Variants in TMEM248 observed in about 807,000 individuals in gnomAD.
The protein encoded by TMEM248 is transmembrane protein 248.
Under a neutral mutation model 30.3 loss-of-function variants are expected in TMEM248, and 9 were observed. That is an observed-to-expected ratio of 0.30 (90% CI 0.18 to 0.52). The LOEUF is 0.52. Among genes scored for constraint, TMEM248 ranks in the 20% least tolerant of loss-of-function variants. The pLI is 0.97. For missense variants in TMEM248, 338 were observed against 403.3 expected (o/e 0.84, Z 1.39); for synonymous variants, 184 against 154.4 (o/e 1.19, Z -1.42).
At chr7:66,937,707 ATT>A (rs998432048) in intron 1 of TMEM248, among the ~76,000 whole-genome samples, 6 of 151,542 alleles carry the variant, frequency 4.0e-5, no homozygotes, top group Admixed American at 3.9e-4. Flanking sequence ...ATCTTTTTCC[ATT>A]TCTTTATTTT....
At chr7:66,925,043 A>G (rs562793776) in intron 1 of TMEM248, among the ~76,000 whole-genome samples, 1 of 151,978 alleles carries the variant, frequency 6.6e-6, no homozygotes, top group South Asian at 2.1e-4. Context: ...TTATTACGGG[A>G]CAGAGTTTTG....
chr7:66,948,348 G>A (rs1792170607), intron 3 of TMEM248, among the ~76,000 whole-genome samples, 196 bp from the exon 4 acceptor site: 2 of 152,104 alleles, frequency 1.3e-5, no homozygotes, highest in African/African-American at 4.8e-5. Context: ...CACTTCCTTC[G>A]CTGCTTCGTG....
chr7:66,938,741 C>T (rs1034899019), intron 1 of TMEM248, among the ~76,000 whole-genome samples: 17 of 152,140 alleles, frequency 1.1e-4, no homozygotes, highest in African/African-American at 3.1e-4. Context: ...CTCCTGACCT[C>T]GTGATCCACC....
intron 6 of TMEM248, among the ~76,000 whole-genome samples, chr7:66,955,255 C>A (rs140723594): frequency 1.3e-5 from 2 of 152,282 alleles, no homozygotes; most frequent in African/African-American, 4.8e-5. Flanking sequence ...AGAGCGAGAC[C>A]GTGTCTCAAA....
intron 2 of TMEM248, among the ~76,000 whole-genome samples, chr7:66,943,842 G>T (rs948104675): frequency 5.9e-5 from 9 of 151,682 alleles, no homozygotes; most frequent in African/African-American, 2.2e-4. Flanking sequence ...CCCAGGCTGA[G>T]GCTGGACTTC....
intron 6 of TMEM248, among the ~76,000 whole-genome samples, chr7:66,953,939 CTTTTTTTTTTTT>C (rs34925648): frequency 3.6e-5 from 3 of 83,986 alleles, no homozygotes; most frequent in African/African-American, 4.9e-5. Flanking sequence ...AGATTACTTT[CTTTTTTTTTTTT>C]TTTTTTTTTT....
At chr7:66,925,092 C>T (rs1298687668) in intron 1 of TMEM248, among the ~76,000 whole-genome samples, 1 of 151,948 alleles carries the variant, frequency 6.6e-6, no homozygotes, top group African/African-American at 2.4e-5. Context: ...GTGATCATGG[C>T]TCACTGCACC....
At chr7:66,936,448 C>T (rs895406071) in intron 1 of TMEM248, among the ~76,000 whole-genome samples, 1 of 151,940 alleles carries the variant, frequency 6.6e-6, no homozygotes, top group South Asian at 2.1e-4. Flanking sequence ...GTTTTGAATT[C>T]GGTTTGCCAG....
intron 2 of TMEM248, among the ~76,000 whole-genome samples, chr7:66,944,160 A>C (rs922635954): frequency 1.5e-5 from 2 of 135,256 alleles, no homozygotes; most frequent in African/African-American, 5.7e-5. Flanking sequence ...GGTGGAGTGC[A>C]GTGGCACGAT....
chr7:66,929,649 C>G (rs1467861680), intron 1 of TMEM248, among the ~76,000 whole-genome samples: 2 of 151,802 alleles, frequency 1.3e-5, no homozygotes, highest in Middle Eastern at 3.2e-3. Context: ...GGCCAGGATG[C>G]TCTCAAACTC....
intron 3 of TMEM248, among the ~76,000 whole-genome samples, chr7:66,945,698 C>G (rs1792081645): frequency 6.6e-6 from 1 of 152,192 alleles, no homozygotes; most frequent in African/African-American, 2.4e-5. Context: ...TGCATGTAAT[C>G]CCAGCACTTT....
At position 66,948,650 on chromosome 7, in the gene TMEM248, C is replaced by A; in HGVS notation, c.552C>A (p.Ala184=). The change falls in exon 4 of 7, where the codon GCC becomes GCA. Residue 184 remains alanine, a synonymous_variant. Coordinates refer to ENST00000341567, the MANE Select transcript of TMEM248 (RefSeq NM_017994.5). ...ACTGTGAGCAGGTGGTATTCACAGC[C>A]TGCATGACCCTCACGGCCAGCCCTG... ...HGHCEQVVFT[A]CMTLTASPGV... 2 of 1,614,058 alleles carry A rather than the reference C, an allele frequency of 1.2e-6. No homozygotes were observed. Among genetic ancestry groups the A allele is most frequent in the Non-Finnish European group, 1.7e-6 (2 of 1,179,922 alleles).
At chr7:66,922,513 C>T (rs1173503798) in intron 1 of TMEM248, among the ~76,000 whole-genome samples, 3 of 152,050 alleles carry the variant, frequency 2.0e-5, no homozygotes, top group African/African-American at 4.8e-5. Context: ...AGTGCATTTA[C>T]TCTCTAGGAT....
rs747514765 is a variant in TMEM248 at position 66,948,527 on chromosome 7, T to A, written c.446-17T>A. 8 of 1,608,614 alleles carry A rather than the reference T, an allele frequency of 5.0e-6. No homozygotes were observed. In the African/African-American group the frequency reaches 6.7e-5, roughly 13 times the overall value. ...CGTGGTTCTTGACTTTATAAAAAAA[T>A]GATTTCTCTTTCATAGGCAGGGAAG... On this transcript the variant is annotated splice_polypyrimidine_tract_variant and intron_variant, in intron 3 of 6. Coordinates refer to ENST00000341567, the MANE Select transcript of TMEM248 (RefSeq NM_017994.5).
chr7:66,944,103 C>CTTT (rs397891070), intron 2 of TMEM248, among the ~76,000 whole-genome samples: 6 of 112,364 alleles, frequency 5.3e-5, no homozygotes, highest in African/African-American at 1.0e-4. Context: ...CCTCAGATGG[C>CTTT]TTTTTTTTTT....
rs1018267358 is a variant in TMEM248 at position 66,944,896 on chromosome 7, A to C, written c.160-80A>C. ...GTTTGCTGATGTGCTGCGGTGCCAC[A>C]CTGGGGTCTTACCTGTATTCCCGCA... is the stretch of plus-strand genomic sequence containing the variant. On this transcript the variant is annotated intron_variant, in intron 2 of 6. Coordinates refer to ENST00000341567, the MANE Select transcript of TMEM248 (RefSeq NM_017994.5). 2.0e-6 allele frequency: 3 copies of C among 1,492,552 alleles called. No homozygotes were observed. In the African/African-American group the frequency reaches 4.1e-5, roughly 21 times the overall value. 92.5% of individuals were successfully genotyped at this position (1,492,552 alleles called of 1,614,324 possible).
intron 1 of TMEM248, among the ~76,000 whole-genome samples, chr7:66,940,281 C>T (rs545198996): frequency 2.0e-5 from 3 of 152,182 alleles, no homozygotes; most frequent in East Asian, 3.9e-4. Flanking sequence ...GAAGAGCAAA[C>T]GTGGAAATGT....
chr7:66,939,958 A>AT (rs1002627985), intron 1 of TMEM248, among the ~76,000 whole-genome samples: 146 of 147,890 alleles, frequency 9.9e-4, no homozygotes, highest in African/African-American at 2.5e-3. Flanking sequence ...AGAGACTTGC[A>AT]TTTTTTTTTT....
At chr7:66,940,946 T>C (rs1348171100) in intron 1 of TMEM248, among the ~76,000 whole-genome samples, 6 of 152,204 alleles carry the variant, frequency 3.9e-5, no homozygotes, top group Non-Finnish European at 8.8e-5. Context: ...CAGTATTTAT[T>C]ATAGAATATT....
Sources: allele counts gnomAD v4.1 joint callset (sites outside exome capture counted in the v4.1 genomes callset), GRCh38; gene constraint gnomAD v4.1.1; transcripts MANE v1.5; gene names NCBI Gene and HGNC (gene_info 2026-07-23, HGNC 2026-07-21).